Variants in PARD3 observed in about 807,000 individuals in gnomAD.
The protein encoded by PARD3 is partitioning defective 3 homolog.
A neutral mutation model predicts 155.4 loss-of-function variants in PARD3; 75 were observed. The ratio of observed to expected loss-of-function variants is 0.48; its 90% confidence interval spans 0.40 to 0.58. The LOEUF is 0.58. PARD3 is among the 20% of genes least tolerant of loss of function. The pLI, the probability that PARD3 is intolerant of heterozygous loss-of-function variation, is 0.00. For missense variants in PARD3, 1,642 were observed against 1,721.7 expected, an observed-to-expected ratio of 0.95 and a Z score of 0.82; for synonymous variants, 576 against 610.5, an observed-to-expected ratio of 0.94 and a Z score of 0.83.
Position 34,470,594 on chromosome 10 carries a change from C to A in PARD3, c.404-331G>T, listed in dbSNP as rs550414089. 2.0e-5 allele frequency among the ~76,000 whole-genome samples: 3 copies of A among 152,256 alleles called. No homozygotes were observed. The South Asian group carries it at 6.2e-4, about 32-fold the overall frequency. On this transcript the variant is annotated intron_variant, in intron 3 of 24. Transcript: ENST00000374788. ...CTCAAATGAAAATAAAACAGTACCTCTTTCATCAGGGTAATGTAAGGACTA... is the reference window on the plus strand; with the variant it reads ...CTCAAATGAAAATAAAACAGTACCTATTTCATCAGGGTAATGTAAGGACTA...
chr10:34,318,238 A>C (rs556519892), intron 19 of PARD3, among the ~76,000 whole-genome samples: 12 of 152,226 alleles, frequency 7.9e-5, no homozygotes, highest in African/African-American at 2.9e-4. Context: ...ACATTTCTCT[A>C]TTAAATAAGA....
chr10:34,238,494 T>C (rs1953376053), intron 22 of PARD3, among the ~76,000 whole-genome samples: 1 of 151,950 alleles, frequency 6.6e-6, no homozygotes, highest in African/African-American at 2.4e-5. Flanking sequence ...GCTAACAAAC[T>C]CCCTTAGTCC....
chr10:34,717,748 GCACA>G (rs1465812412), intron 1 of PARD3, among the ~76,000 whole-genome samples: 1 of 152,194 alleles, frequency 6.6e-6, no homozygotes, highest in Non-Finnish European at 1.5e-5. Flanking sequence ...ATGGCATGGT[GCACA>G]CCACCAGTGA....
chr10:34,766,427 A>T (rs1838097510), intron 1 of PARD3, among the ~76,000 whole-genome samples: 1 of 152,176 alleles, frequency 6.6e-6, no homozygotes, highest in Non-Finnish European at 1.5e-5. Context: ...AAAACATTTC[A>T]ATAAGGAAGT....
Position 34,581,401 on chromosome 10 carries a change from AT to A in PARD3, c.223-64243del, listed in dbSNP as rs2087472033. Among the ~76,000 whole-genome samples the A allele has an allele frequency of 2.0e-5, 3 of 151,474 alleles. No individual in the cohort carries two copies. In the South Asian group the frequency reaches 6.3e-4, roughly 32 times the overall value. On this transcript the variant is annotated intron_variant, in intron 2 of 24. Transcript: ENST00000374788. ...AGGCACCTGCCACTGCGCCCGGCTA[AT>A]TTTTTGTATTTTTAGTAGAGCTGGG...
intron 5 of PARD3, among the ~76,000 whole-genome samples, chr10:34,411,325 G>T (rs1845027907): frequency 6.6e-6 from 1 of 152,186 alleles, no homozygotes; most frequent in African/African-American, 2.4e-5. Context: ...GGGGTCCCAT[G>T]ACATCCAGAC....
chr10:34,341,339 G>A (rs1406992165), intron 16 of PARD3, among the ~76,000 whole-genome samples: 2 of 152,160 alleles, frequency 1.3e-5, no homozygotes, highest in Non-Finnish European at 2.9e-5. Context: ...TAACACAGAT[G>A]TGAAATAAAT....
intron 1 of PARD3, among the ~76,000 whole-genome samples, chr10:34,697,891 A>T (rs1345503637): frequency 6.6e-6 from 1 of 152,102 alleles, no homozygotes; most frequent in Non-Finnish European, 1.5e-5. Context: ...CCACTGAGAC[A>T]GCTCCAGAAT....
At chr10:34,349,451 A>T (rs74775116) in intron 14 of PARD3, among the ~76,000 whole-genome samples, 11,240 of 151,902 alleles carry the variant, frequency 0.074, 564 homozygotes, top group Non-Finnish European at 0.1. Context: ...TGTTTTTTTT[A>T]AAATTGTAGA....
At chr10:34,522,167 T>C (rs914802893) in intron 2 of PARD3, among the ~76,000 whole-genome samples, 1 of 152,034 alleles carries the variant, frequency 6.6e-6, no homozygotes, top group African/African-American at 2.4e-5. Flanking sequence ...ATTACATAAG[T>C]CTGGAAAAAT....
intron 20 of PARD3, among the ~76,000 whole-genome samples, chr10:34,307,275 T>A (rs1957462440): frequency 6.6e-6 from 1 of 151,990 alleles, no homozygotes; most frequent in Non-Finnish European, 1.5e-5. Flanking sequence ...TTCAGGACAG[T>A]GGTTTAAGGG....
At chr10:34,268,171 TTAAG>T (rs1171391233) in intron 22 of PARD3, among the ~76,000 whole-genome samples, 22 of 152,184 alleles carry the variant, frequency 1.4e-4, no homozygotes, top group Non-Finnish European at 1.5e-5. Flanking sequence ...AGTTAAAATT[TTAAG>T]TAAATATATA....
At chr10:34,582,316 GA>G (rs1463292392) in intron 2 of PARD3, among the ~76,000 whole-genome samples, 1 of 152,184 alleles carries the variant, frequency 6.6e-6, no homozygotes, top group African/African-American at 2.4e-5. Context: ...GAATAAGGGG[GA>G]AAAGAATTCA....
intron 21 of PARD3, among the ~76,000 whole-genome samples, chr10:34,272,355 T>C (rs1472957042): frequency 1.3e-5 from 2 of 152,030 alleles, no homozygotes; most frequent in Non-Finnish European, 2.9e-5. Context: ...AAGCTCTAAT[T>C]AGAAGATGAA....
At chr10:34,439,864 G>T (rs544039611) in intron 5 of PARD3, among the ~76,000 whole-genome samples, 2 of 152,078 alleles carry the variant, frequency 1.3e-5, no homozygotes, top group Non-Finnish European at 2.9e-5. Flanking sequence ...TTTATAATTT[G>T]TTCAGCTATT....
At chr10:34,624,004 G>T (rs1465403723) in intron 2 of PARD3, among the ~76,000 whole-genome samples, 1 of 151,214 alleles carries the variant, frequency 6.6e-6, no homozygotes, top group Non-Finnish European at 1.5e-5. Flanking sequence ...AAGTCAGCGC[G>T]CATGCAGCTG....
chr10:34,674,719 T>A lies in PARD3; in HGVS notation c.222+21599A>T, dbSNP rs1452884438. Reference sequence around the variant, plus strand: ...CCAGGCTGGTCTCGAACTCCTGACCTAAGGTGATCCACCTGTCTCGGCCTC... The same window carrying A: ...CCAGGCTGGTCTCGAACTCCTGACCAAAGGTGATCCACCTGTCTCGGCCTC... On this transcript the variant is annotated intron_variant, in intron 2 of 24. Coordinates refer to ENST00000374788, the MANE Select transcript of PARD3 (RefSeq NM_001184785.2). Among the ~76,000 whole-genome samples the A allele has an allele frequency of 2.0e-5, 3 of 152,036 alleles. No homozygotes were observed. The East Asian group carries it at 5.8e-4, about 29-fold the overall frequency.
intron 2 of PARD3, among the ~76,000 whole-genome samples, chr10:34,645,100 G>A (rs950361897): frequency 6.6e-5 from 10 of 152,204 alleles, no homozygotes; most frequent in South Asian, 2.1e-4. Context: ...TGATCCTCTC[G>A]CCTTGGCCTT....
intron 22 of PARD3, among the ~76,000 whole-genome samples, chr10:34,137,617 C>T (rs985379921): frequency 1.3e-5 from 2 of 152,212 alleles, no homozygotes; most frequent in African/African-American, 2.4e-5. Flanking sequence ...TTTTGGCCAA[C>T]AGGATGTTTG....
Sources: gnomAD v4.1 joint callset for allele counts (sites outside exome capture counted in the v4.1 genomes callset) on GRCh38, gnomAD v4.1.1 for gene constraint, MANE v1.5 for transcripts, NCBI Gene and HGNC (gene_info 2026-07-23, HGNC 2026-07-21) for gene names.